Variants in PYGM observed in about 807,000 individuals in gnomAD.
The protein encoded by PYGM is glycogen phosphorylase, muscle associated, also known as glycogen phosphorylase, muscle form.
In PYGM, 81 loss-of-function variants were observed where a neutral mutation model predicts 99.3. The ratio of observed to expected loss-of-function variants is 0.82; its 90% confidence interval spans 0.68 to 0.98. PYGM has a LOEUF of 0.98. Among genes scored for constraint, PYGM ranks in the 50% least tolerant of loss-of-function variants. PYGM has a pLI of 0.00. For missense variants in PYGM, 1,030 were observed against 1,158.1 expected (o/e 0.89, Z 1.61); for synonymous variants, 436 against 451.5 (o/e 0.97, Z 0.44).
Position 64,759,333 on chromosome 11 carries a change from G to A in PYGM, c.243+323C>T, listed in dbSNP as rs114188145. 2.1e-3 allele frequency among the ~76,000 whole-genome samples: 320 copies of A among 151,938 alleles called. 1 individual carries two copies. The highest frequency in any genetic ancestry group is 7.2e-3 in the African/African-American group (300 of 41,402). On this transcript the variant is annotated intron_variant, in intron 1 of 19. Transcript: ENST00000164139. ...GCCCCGCCTGCTGCACAGGCACACC[G>A]CGCATACATGCAGCAACTGATGTGT...
In PYGM at chr11:64,751,602, C is replaced by T; in HGVS notation, c.1822G>A (p.Gly608Arg). 2.5e-6 allele frequency: 4 copies of T among 1,614,096 alleles called. No homozygotes were observed. The highest frequency in any genetic ancestry group is 3.4e-6 in the Non-Finnish European group (4 of 1,179,952). Reference protein sequence around the residue: ...FFVPRTVMIGGKAAPGYHMAK... With the variant: ...FFVPRTVMIGRKAAPGYHMAK... ...GCTGGAGCCTGGCTTCTCACCTTCCCTCCAATCATCACAGTCCGAGGCACA... is the reference window on the plus strand; with the variant it reads ...GCTGGAGCCTGGCTTCTCACCTTCCTTCCAATCATCACAGTCCGAGGCACA... The change falls in exon 15 of 20, where the codon GGG (glycine) becomes AGG (arginine). Residue 608 changes from glycine (G) to arginine (R), a missense_variant. Coordinates refer to ENST00000164139, the MANE Select transcript of PYGM (RefSeq NM_005609.4).
At chr11:64,751,303 G>A in intron 16 of PYGM, 22 bp downstream of exon 16, 4 of 1,614,022 alleles carry the variant, frequency 2.5e-6, no homozygotes, top group Non-Finnish European at 3.4e-6. Flanking sequence ...GCCTCCCTAG[G>A]GTCCCTGTTG....
At chr11:64,753,465 G>T (rs1348287938) in intron 11 of PYGM, 54 bp downstream of exon 11, 2 of 1,525,544 alleles carry the variant, frequency 1.3e-6, no homozygotes, top group African/African-American at 1.4e-5. Flanking sequence ...GTGTGACAGA[G>T]GCGTGGAGTG....
At chr11:64,758,095 A>C in intron 4 of PYGM, 151 bp downstream of exon 4, 7 of 1,291,926 alleles carry the variant, frequency 5.4e-6, no homozygotes, top group Non-Finnish European at 7.7e-6. Context: ...TTTCAGGGGC[A>C]CCAGCTGGCT....
At chr11:64,751,192 T>G (rs1592408862) in intron 16 of PYGM, 133 bp downstream of exon 16, 5 of 1,376,086 alleles carry the variant, frequency 3.6e-6, no homozygotes, top group East Asian at 2.5e-5. Context: ...GCGCCTGGCC[T>G]CCTCATGGTT....
chr11:64,747,199 G>C, intron 18 of PYGM, 25 bp downstream of exon 18: 2 of 1,613,212 alleles, frequency 1.2e-6, no homozygotes, highest in Middle Eastern at 3.4e-4. Flanking sequence ...CCCCACCTGA[G>C]TGATTCCCGG....
chr11:64,748,477 GT>G (rs1176316856), intron 17 of PYGM: 6 of 152,182 alleles, frequency 3.9e-5, no homozygotes, highest in Non-Finnish European at 7.3e-5. Flanking sequence ...CTGGAAAGCA[GT>G]TTGGCAATCT....
intron 4 of PYGM, 21 bp downstream of exon 4, chr11:64,758,225 G>T: frequency 6.3e-7 from 1 of 1,591,866 alleles, no homozygotes; most frequent in South Asian, 1.1e-5. Flanking sequence ...GACCCCACAA[G>T]TTAGAGCCAA....
chr11:64,747,436 A>C, intron 17 of PYGM, 78 bp from the exon 18 acceptor site: 1 of 1,601,618 alleles, frequency 6.2e-7, no homozygotes, highest in South Asian at 1.1e-5. Flanking sequence ...GAGAAGTCCC[A>C]TGCCCCAGGG....
intron 1 of PYGM, among the ~76,000 whole-genome samples, chr11:64,758,999 C>T (rs558059585): frequency 1.6e-3 from 1 of 622 alleles, no homozygotes; most frequent in East Asian, 0.25. Flanking sequence ...GGCACCCCTT[C>T]CCCCTGCACA....
In PYGM at chr11:64,756,112, C is replaced by T. The variant is rs145855393; in HGVS notation, c.661-554G>A. 2.9e-3 allele frequency among the ~76,000 whole-genome samples: 437 copies of T among 152,340 alleles called. 3 individuals carry two copies. Among genetic ancestry groups the T allele is most frequent in the African/African-American group, 9.4e-3 (392 of 41,576 alleles). ...CCAGGGGTACATTCACTCCTCTAAG[C>T]GAGCCCTTTTAAGGGGCATCGCCCT... On this transcript the variant is annotated intron_variant, in intron 5 of 19. Coordinates refer to ENST00000164139, the MANE Select transcript of PYGM (RefSeq NM_005609.4).
Position 64,754,452 on chromosome 11 carries a change from C to A in PYGM, c.1000-107G>T. 1 of 861,462 alleles carries A rather than the reference C, an allele frequency of 1.2e-6. No homozygotes were observed. Among genetic ancestry groups the A allele is most frequent in the South Asian group, 1.4e-5 (1 of 71,158 alleles). 53.4% of individuals were successfully genotyped at this position (861,462 alleles called of 1,614,324 possible). A position where few individuals can be genotyped will look rare whatever the true frequency, so the allele number is the denominator to read the frequency against. On this transcript the variant is annotated intron_variant, in intron 8 of 19. Coordinates refer to ENST00000164139, the MANE Select transcript of PYGM (RefSeq NM_005609.4). This position sits in a 1 kb window ranked among gnomAD's most constrained non-coding sequence, Gnocchi z 5.5. ...CAGAGAGCCCAGCACGGTTCTGTGA[C>A]TGGGCTGTGGGCAGAGGCAGGCCGG...
chr11:64,752,679 C>G (rs1269719638), intron 12 of PYGM, among the ~76,000 whole-genome samples, 175 bp from the exon 13 acceptor site: 1 of 152,236 alleles, frequency 6.6e-6, no homozygotes, highest in Non-Finnish European at 1.5e-5. Context: ...CATGCACCTT[C>G]CTCCCCTCCC....
intron 13 of PYGM, 45 bp downstream of exon 13, chr11:64,752,358 C>T (rs764292926): frequency 7.5e-6 from 12 of 1,591,404 alleles, no homozygotes; most frequent in East Asian, 4.5e-5. Flanking sequence ...GCCCCTCCAG[C>T]GCTCTCCACA....
Position 64,759,907 on chromosome 11 carries a change from G to A in PYGM, c.-9C>T, listed in dbSNP as rs781105124. The A allele has an allele frequency of 2.5e-6, 4 of 1,613,756 alleles. No individual in the cohort carries two copies. Among genetic ancestry groups the A allele is most frequent in the African/African-American group, 1.3e-5 (1 of 74,934 alleles). ...GACAGGGGCCGGGACATGGCTGCAG[G>A]AGGGCGGGCCGGACTGGACTGATGG... is the stretch of plus-strand genomic sequence containing the variant. On this transcript the variant is annotated 5_prime_UTR_variant, in exon 1 of 20. Coordinates refer to ENST00000164139, the MANE Select transcript of PYGM (RefSeq NM_005609.4).
At position 64,750,545 on chromosome 11, in the gene PYGM, C is replaced by T. The variant is rs2058349059; in HGVS notation, c.2008G>A (p.Ala670Thr). Residue 670 changes from alanine to threonine, a missense_variant, in exon 17 of 20, where the codon GCG becomes ACG. Physicochemically the swap from Ala to Thr is moderately conservative, Grantham distance 58 (BLOSUM62 0). Coordinates refer to ENST00000164139, the MANE Select transcript of PYGM (RefSeq NM_005609.4). ...CCGGTGCCTGAGGCTTCAGTGCCCG[C>T]AGTGGAGATCTGCTCAGAGAGGTCT... ...AADLSEQIST[A>T]GTEASGTGNM... is the part of the protein sequence containing the mutation. The T allele has an allele frequency of 6.2e-7, 1 of 1,614,082 alleles. No individual in the cohort carries two copies. The highest frequency in any genetic ancestry group is 8.5e-7 in the Non-Finnish European group (1 of 1,180,050).
chr11:64,747,804 C>T lies in PYGM; in HGVS notation c.2178-446G>A, dbSNP rs901196548. ...CTGTAATCCCAGCACTTTGGGAGGC[C>T]GAGGTGGGCGGATCATCTGAGGAGG... On this transcript the variant is annotated intron_variant, in intron 17 of 19. Transcript: ENST00000164139. 7.6e-5 allele frequency: 20 copies of T among 263,934 alleles called. No homozygotes were observed. In the Admixed American group the frequency reaches 9.2e-4, roughly 12 times the overall value. 16.3% of individuals were successfully genotyped at this position (263,934 alleles called of 1,614,324 possible). A position where few individuals can be genotyped will look rare whatever the true frequency, so the allele number is the denominator to read the frequency against.
Position 64,754,367 on chromosome 11 carries a change from G to C in PYGM, c.1000-22C>G, listed in dbSNP as rs950182742. On this transcript the variant is annotated intron_variant, in intron 8 of 19. Transcript: ENST00000164139. The surrounding 1 kb of genome is among the most constrained non-coding windows in gnomAD (Gnocchi z 5.5). ...CCACCTGGGGTAGGGGGAGGGGTCA[G>C]TCTGGGCTCCAAACCACATTCCATG... 7 of 1,564,430 alleles carry C rather than the reference G, an allele frequency of 4.5e-6. No individual in the cohort carries two copies. The highest frequency in any genetic ancestry group is 6.2e-6 in the Non-Finnish European group (7 of 1,135,688).
chr11:64,753,309 A>T, intron 11 of PYGM, 122 bp from the exon 12 acceptor site: 1 of 1,225,360 alleles, frequency 8.2e-7, no homozygotes, highest in Non-Finnish European at 1.2e-6. Flanking sequence ...AGACCTGGGG[A>T]AGGTTGGGGG....
Sources: gnomAD v4.1 joint callset for allele counts (sites outside exome capture counted in the v4.1 genomes callset) on GRCh38, gnomAD v4.1.1 for gene constraint, Gnocchi (gnomAD v3.1) non-coding constraint, MANE v1.5 for transcripts, NCBI Gene and HGNC (gene_info 2026-07-23, HGNC 2026-07-21) for gene names.